NLRP5: variants seen among roughly 807,000 people sequenced by gnomAD.
NLRP5 encodes NLR family pyrin domain containing 5, also known as NACHT, LRR and PYD domains-containing protein 5.
In NLRP5, 93 loss-of-function variants were observed where a neutral mutation model predicts 113.1. The ratio of observed to expected loss-of-function variants is 0.82; its 90% CI spans 0.70 to 0.98. The LOEUF (loss-of-function observed/expected upper bound fraction) is 0.98. Among genes scored for constraint, NLRP5 ranks in the 50% least tolerant of loss-of-function variants. The pLI is 0.00. For synonymous variants in NLRP5, 751 were observed against 600.7 expected, an observed-to-expected ratio of 1.25 and a Z score of -3.66; for missense variants, 1,808 against 1,514.3, an observed-to-expected ratio of 1.19 and a Z score of -3.22.
At chr19:56,041,505 G>C (rs534452110) in intron 11 of NLRP5, among the ~76,000 whole-genome samples, 1 of 152,080 alleles carries the variant, frequency 6.6e-6, no homozygotes, top group African/African-American at 2.4e-5. Flanking sequence ...GATACACATC[G>C]TTGATTCGTT....
At chr19:56,052,568 C>G (rs1983972103) in intron 12 of NLRP5, among the ~76,000 whole-genome samples, 1 of 152,200 alleles carries the variant, frequency 6.6e-6, no homozygotes. Flanking sequence ...CTGTACCCAG[C>G]CTGCATCCCT....
At chr19:56,046,274 A>T (rs1486930576) in intron 11 of NLRP5, among the ~76,000 whole-genome samples, 1 of 152,066 alleles carries the variant, frequency 6.6e-6, no homozygotes, top group Non-Finnish European at 1.5e-5. Context: ...TACATGTTAA[A>T]CCATCCCTGG....
At chr19:56,001,454 A>C (rs60149368) in intron 1 of NLRP5, among the ~76,000 whole-genome samples, 6 of 151,528 alleles carry the variant, frequency 4.0e-5, no homozygotes, top group Admixed American at 3.9e-4. Context: ...AATTACTTGA[A>C]ATTTTATAAT....
the NLRP5 span, chr19:55,987,814 C>T: frequency 6.2e-7 from 1 of 1,612,454 alleles, no homozygotes; most frequent in Non-Finnish European, 8.5e-7. Context: ...CTCCCTCCAG[C>T]TGTATTCCTG....
At chr19:55,990,725 T>C in the NLRP5 span, among the ~76,000 whole-genome samples, 5 of 152,080 alleles carry the variant, frequency 3.3e-5, no homozygotes, top group Non-Finnish European at 7.3e-5. Flanking sequence ...CTCGGGAGGC[T>C]GAGGCAGGAG....
intron 7 of NLRP5, among the ~76,000 whole-genome samples, chr19:56,032,311 C>T (rs558514705): frequency 4.0e-5 from 6 of 151,356 alleles, no homozygotes; most frequent in African/African-American, 1.5e-4. Flanking sequence ...CGCCACTGCG[C>T]TCCAGCCTGG....
intron 9 of NLRP5, 87 bp downstream of exon 9, chr19:56,033,796 G>C (rs527320261): frequency 2.5e-6 from 3 of 1,216,744 alleles, no homozygotes; most frequent in African/African-American, 1.5e-5. Flanking sequence ...AAATTAAAGA[G>C]CTGCAAAGAT....
rs34956178 is a variant in NLRP5 at position 56,036,058 on chromosome 19, C to CTTTTTTTTTTTTTTTTTTTTTTTTT, written c.2616-1945_2616-1944insTTTTTTTTTTTTTTTTTTTTTTTTT. Among the ~76,000 whole-genome samples the CTTTTTTTTTTTTTTTTTTTTTTTTT allele has an allele frequency of 9.1e-5, 7 of 77,018 alleles. 1 individual carries two copies. The highest frequency in any genetic ancestry group is 2.3e-4 in the African/African-American group (4 of 17,610). The allele number at this position is 77,018 out of a possible 152,430, so 50.5% of individuals were successfully genotyped here. A position where few individuals can be genotyped will look rare whatever the true frequency, so the allele number is the denominator to read the frequency against. Reference sequence around the variant, plus strand: ...ACATGCTGATGAATGAATTGAGATTCTTTTTTTTTTTTTTTTTTTTTTGGA... The same window carrying CTTTTTTTTTTTTTTTTTTTTTTTTT: ...ACATGCTGATGAATGAATTGAGATTCTTTTTTTTTTTTTTTTTTTTTTTTTTTTTTTTTTTTTTTTTTTTTTTGGA... On this transcript the variant is annotated intron_variant, in intron 9 of 14. Coordinates refer to ENST00000390649, the MANE Select transcript of NLRP5 (RefSeq NM_153447.4).
chr19:56,058,208 G>A, intron 13 of NLRP5, 32 bp from the exon 14 acceptor site: 1 of 1,570,808 alleles, frequency 6.4e-7, no homozygotes, highest in Non-Finnish European at 8.7e-7. Context: ...ATCGATCTTT[G>A]GGGTTATTTT....
At chr19:55,989,371 G>A in the NLRP5 span, among the ~76,000 whole-genome samples, 1 of 151,972 alleles carries the variant, frequency 6.6e-6, no homozygotes, top group Non-Finnish European at 1.5e-5. Context: ...TTCTGCCTCA[G>A]CCTCCCGAGT....
chr19:56,050,172 C>G (rs143470353), intron 11 of NLRP5, among the ~76,000 whole-genome samples: 285 of 151,408 alleles, frequency 1.9e-3, no homozygotes, highest in African/African-American at 6.6e-3. Context: ...CCCAGCTACT[C>G]AGAAGGCTGA....
intron 14 of NLRP5, among the ~76,000 whole-genome samples, chr19:56,058,794 C>A (rs1438382478): frequency 2.0e-5 from 3 of 152,092 alleles, no homozygotes; most frequent in African/African-American, 7.2e-5. Flanking sequence ...GCATAATGCA[C>A]AATAATAGCC....
intron 12 of NLRP5, among the ~76,000 whole-genome samples, chr19:56,052,916 C>G (rs948149598): frequency 2.0e-5 from 3 of 152,222 alleles, no homozygotes; most frequent in African/African-American, 7.2e-5. Context: ...TGGAAGCAAA[C>G]TCTGCTGTGC....
chr19:56,028,839 A>G (rs1407756535), intron 7 of NLRP5, among the ~76,000 whole-genome samples: 3 of 152,106 alleles, frequency 2.0e-5, no homozygotes, highest in Non-Finnish European at 4.4e-5. Flanking sequence ...ATCTCGGCTC[A>G]CTGCAAACTC....
intron 2 of NLRP5, among the ~76,000 whole-genome samples, chr19:56,005,107 A>AAAAAAAAAAAAAAAAAAAATATATAT (rs1173746273): frequency 1.0e-5 from 1 of 95,344 alleles, no homozygotes; most frequent in African/African-American, 3.9e-5. Context: ...AAAAAAAAAA[A>AAAAAAAAAAAAAAAAAAAATATATAT]ATATATATAT....
chr19:55,997,911 T>G (rs1981381931), upstream of NLRP5, among the ~76,000 whole-genome samples: 1 of 152,100 alleles, frequency 6.6e-6, no homozygotes, highest in Non-Finnish European at 1.5e-5. Context: ...TTGTAAAGTG[T>G]TTCTGTTGAT....
chr19:56,007,865 CAGTT>C (rs1282468970), intron 2 of NLRP5, among the ~76,000 whole-genome samples: 2 of 128,618 alleles, frequency 1.6e-5, no homozygotes, highest in East Asian at 2.0e-4. Flanking sequence ...GTGTACAAGA[CAGTT>C]TGTGTGTGTG....
At chr19:56,032,148 C>T (rs962161039) in intron 7 of NLRP5, among the ~76,000 whole-genome samples, 4 of 152,212 alleles carry the variant, frequency 2.6e-5, no homozygotes, top group Non-Finnish European at 4.4e-5. Context: ...AGTTCGAGAC[C>T]ATCCTGGCCA....
At chr19:56,030,955 T>G (rs1351807839) in intron 7 of NLRP5, among the ~76,000 whole-genome samples, 5 of 151,704 alleles carry the variant, frequency 3.3e-5, no homozygotes, top group Admixed American at 2.0e-4. Context: ...CTTGTGATCC[T>G]CCCATCTTGG....
Sources: gnomAD v4.1 joint callset for allele counts (sites outside exome capture counted in the v4.1 genomes callset) on GRCh38, gnomAD v4.1.1 for gene constraint, MANE v1.5 for transcripts, NCBI Gene and HGNC (gene_info 2026-07-23, HGNC 2026-07-21) for gene names.